The following PIK3C2G variants were observed in gnomAD, a reference collection of about 807,000 sequenced individuals.
PIK3C2G encodes the protein phosphatidylinositol 3-kinase C2 domain-containing subunit gamma.
PIK3C2G carries 168 observed loss-of-function variants against 181.1 expected under a neutral mutation model. That is an observed-to-expected ratio of 0.93 (90% CI 0.82 to 1.05). The LOEUF (loss-of-function observed/expected upper bound fraction) is 1.05. Ranked by LOEUF, PIK3C2G falls within the 50% of genes least tolerant of loss-of-function variation. The pLI, the probability that PIK3C2G is intolerant of heterozygous loss-of-function variation, is 0.00. For synonymous variants in PIK3C2G, 573 were observed against 592.2 expected (o/e 0.97, Z 0.47); for missense variants, 1,869 against 1,732.8 (o/e 1.08, Z -1.40).
chr12:18,693,233 C>T, the PIK3C2G span: 11 of 1,558,958 alleles, frequency 7.1e-6, no homozygotes, highest in Non-Finnish European at 9.7e-6. Flanking sequence ...CGGTCAGGCT[C>T]AACCACAAGG....
intron 12 of PIK3C2G, among the ~76,000 whole-genome samples, chr12:18,363,912 A>G (rs1339484258): frequency 6.6e-6 from 1 of 152,068 alleles, no homozygotes; most frequent in Non-Finnish European, 1.5e-5. Flanking sequence ...GACAATCTCT[A>G]TCTCCCCTTC....
intron 31 of PIK3C2G, among the ~76,000 whole-genome samples, chr12:18,628,464 T>C (rs1160253770): frequency 3.9e-5 from 6 of 152,188 alleles, no homozygotes; most frequent in South Asian, 2.1e-4. Flanking sequence ...AATAGTAGCA[T>C]TGAAAGCCAT....
intron 1 of PIK3C2G, among the ~76,000 whole-genome samples, chr12:18,276,062 ACAG>A (rs1948974140): frequency 6.6e-6 from 1 of 152,202 alleles, no homozygotes; most frequent in Non-Finnish European, 1.5e-5. Context: ...GACAAAGAAA[ACAG>A]CAGCTACATC....
intron 1 of PIK3C2G, among the ~76,000 whole-genome samples, chr12:18,265,592 A>G (rs560831228): frequency 6.6e-6 from 1 of 152,164 alleles, no homozygotes; most frequent in Non-Finnish European, 1.5e-5. Flanking sequence ...TTCTGTTACT[A>G]ATATTGCCTC....
chr12:18,683,362 A>G, the PIK3C2G span: 59 of 1,589,488 alleles, frequency 3.7e-5, no homozygotes, highest in African/African-American at 6.9e-4. Flanking sequence ...CCAATAACCA[A>G]TTAATCAGTG....
intron 31 of PIK3C2G, among the ~76,000 whole-genome samples, chr12:18,630,369 G>A (rs1435878808): frequency 6.6e-6 from 1 of 152,062 alleles, no homozygotes; most frequent in African/African-American, 2.4e-5. Context: ...CCCAGCCCGG[G>A]TAACAGAGCG....
At chr12:18,327,708 T>G (rs932660830) in intron 8 of PIK3C2G, among the ~76,000 whole-genome samples, 1 of 152,038 alleles carries the variant, frequency 6.6e-6, no homozygotes, top group East Asian at 1.9e-4. Context: ...TTGAATAATA[T>G]GAATTCAATA....
chr12:18,288,188 A>G (rs1180461248), intron 3 of PIK3C2G, among the ~76,000 whole-genome samples: 1 of 152,084 alleles, frequency 6.6e-6, no homozygotes, highest in Non-Finnish European at 1.5e-5. Context: ...AGATAAACTA[A>G]TGCATTCATA....
In PIK3C2G at chr12:18,381,797, A is replaced by G. The variant is rs771881048; in HGVS notation, c.1912A>G (p.Met638Val). 4 of 1,613,482 alleles carry G rather than the reference A, an allele frequency of 2.5e-6. No individual in the cohort carries two copies. Among genetic ancestry groups the G allele is most frequent in the Non-Finnish European group, 3.4e-6 (4 of 1,179,404 alleles). ...KSILGSMLFS[M>V]TLQSEPPVEM... The stretch of plus-strand genomic sequence containing the variant: ...CATTCTCGGGTCTATGCTGTTCAGC[A>G]TGACATTACAGAGTGAGCCTCCCGT... The change falls in exon 14 of 33, where the codon ATG becomes GTG. Residue 638 changes from methionine to valine, a missense_variant. Physicochemically the swap from Met to Val is conservative, Grantham distance 21 (BLOSUM62 1). Transcript: ENST00000538779.
At chr12:18,698,645 A>G in the PIK3C2G span, among the ~76,000 whole-genome samples, 2 of 152,006 alleles carry the variant, frequency 1.3e-5, no homozygotes, top group Non-Finnish European at 2.9e-5. Flanking sequence ...TTTAACTTTT[A>G]ATTTTTGTGG....
At chr12:18,677,745 A>T in the PIK3C2G span, among the ~76,000 whole-genome samples, 11 of 152,260 alleles carry the variant, frequency 7.2e-5, no homozygotes, top group African/African-American at 2.6e-4. Context: ...GTTAAGAACA[A>T]CTGGTCTACA....
chr12:18,706,607 T>A, the PIK3C2G span, among the ~76,000 whole-genome samples: 1 of 152,190 alleles, frequency 6.6e-6, no homozygotes. Flanking sequence ...TGCCATTAAA[T>A]AGGGAACAAA....
At chr12:18,669,736 C>G in the PIK3C2G span, among the ~76,000 whole-genome samples, 1 of 152,070 alleles carries the variant, frequency 6.6e-6, no homozygotes, top group Non-Finnish European at 1.5e-5. Flanking sequence ...CAGCTCACTG[C>G]AACCTCCGCC....
At chr12:18,530,775 A>G (rs1025914311) in intron 24 of PIK3C2G, among the ~76,000 whole-genome samples, 5 of 151,848 alleles carry the variant, frequency 3.3e-5, no homozygotes, top group African/African-American at 9.7e-5. Context: ...CTTCCCCCTC[A>G]CCTGCTCCAC....
chr12:18,621,716 G>A (rs917269880), intron 31 of PIK3C2G, among the ~76,000 whole-genome samples: 1 of 151,598 alleles, frequency 6.6e-6, no homozygotes, highest in African/African-American at 2.4e-5. Context: ...GACACACGGT[G>A]GTTAGATTTT....
intron 18 of PIK3C2G, among the ~76,000 whole-genome samples, chr12:18,451,286 C>T (rs1947341051): frequency 6.6e-6 from 1 of 152,086 alleles, no homozygotes; most frequent in Non-Finnish European, 1.5e-5. Context: ...TGAAGAGGTC[C>T]TTCACATCCC....
chr12:18,311,296 G>T (rs77428614), intron 5 of PIK3C2G, among the ~76,000 whole-genome samples: 7,468 of 151,914 alleles, frequency 0.049, 627 homozygotes, highest in East Asian at 0.4. Context: ...ATTGGCAGAT[G>T]TAGCAAATAA....
the PIK3C2G span, among the ~76,000 whole-genome samples, chr12:18,674,971 A>G: frequency 2.6e-5 from 4 of 152,110 alleles, no homozygotes; most frequent in African/African-American, 9.7e-5. Context: ...GAGTGAAGCC[A>G]TCTTGGAATA....
chr12:18,261,394 A>G (rs1307073486), upstream of PIK3C2G: 1 of 151,768 alleles, frequency 6.6e-6, no homozygotes, highest in East Asian at 1.9e-4. Context: ...TTTTTTCCAT[A>G]TAACCCTTCA....
Sources: allele counts gnomAD v4.1 joint callset (sites outside exome capture counted in the v4.1 genomes callset), GRCh38; gene constraint gnomAD v4.1.1; transcripts MANE v1.5; gene names NCBI Gene and HGNC (gene_info 2026-07-23, HGNC 2026-07-21).